ARHGEF10: variants seen among roughly 807,000 people sequenced by gnomAD.
ARHGEF10 encodes Rho guanine nucleotide exchange factor 10, also known as Rho guanine nucleotide exchange factor (GEF) 10.
In ARHGEF10, 140 loss-of-function variants were observed where a neutral mutation model predicts 147.4. That is an observed-to-expected ratio of 0.95 (90% confidence interval 0.83 to 1.09). The LOEUF is 1.09. Among genes scored for constraint, ARHGEF10 ranks in the 50% least tolerant of loss-of-function variants. ARHGEF10 has a pLI of 0.00. For synonymous variants in ARHGEF10, 902 were observed against 695.8 expected (o/e 1.30, Z -4.67); for missense variants, 2,222 against 1,752.7 (o/e 1.27, Z -4.78).
intron 18 of ARHGEF10, among the ~76,000 whole-genome samples, chr8:1,919,223 G>T (rs1812012857): frequency 6.7e-6 from 1 of 149,160 alleles, no homozygotes; most frequent in South Asian, 2.1e-4. Context: ...TGCTCCGTGG[G>T]TGATGGAGCT....
intron 2 of ARHGEF10, among the ~76,000 whole-genome samples, chr8:1,851,529 G>A (rs1805150661): frequency 6.6e-6 from 1 of 152,112 alleles, no homozygotes; most frequent in Admixed American, 6.5e-5. Context: ...GGCTCTCTTT[G>A]GGGGTGGGGA....
intron 2 of ARHGEF10, among the ~76,000 whole-genome samples, chr8:1,848,107 A>G (rs1225322501): frequency 6.6e-6 from 1 of 152,234 alleles, no homozygotes; most frequent in Admixed American, 6.5e-5. Flanking sequence ...AGCTTGTAGA[A>G]TAAATATTTC....
In ARHGEF10 at chr8:1,875,278, C is replaced by G. The variant is rs530951302; in HGVS notation, c.680-1293C>G. ...CGTGTAGGGGGTGGAGGTTCTAAGA[C>G]AGGCTGGAGGAACAGTGGAGACACA... On this transcript the variant is annotated intron_variant, in intron 7 of 28. Coordinates refer to ENST00000349830, the MANE Select transcript of ARHGEF10 (RefSeq NM_014629.4). 9.5e-4 allele frequency among the ~76,000 whole-genome samples: 145 copies of G among 151,906 alleles called. 1 individual carries two copies. Among genetic ancestry groups the G allele is most frequent in the African/African-American group, 3.5e-3 (144 of 41,370 alleles).
intron 1 of ARHGEF10, among the ~76,000 whole-genome samples, chr8:1,840,974 C>A (rs1295313936): frequency 6.6e-6 from 1 of 152,220 alleles, no homozygotes; most frequent in Non-Finnish European, 1.5e-5. Context: ...GATGTGGATC[C>A]TGTGACTCCC....
intron 27 of ARHGEF10, among the ~76,000 whole-genome samples, chr8:1,951,375 C>T (rs1041547332): frequency 6.6e-6 from 1 of 152,226 alleles, no homozygotes; most frequent in African/African-American, 2.4e-5. Flanking sequence ...TCACTATCGC[C>T]CTGACCAAGT....
intron 11 of ARHGEF10, among the ~76,000 whole-genome samples, chr8:1,888,158 G>C (rs1467855666): frequency 1.1e-5 from 1 of 93,774 alleles, no homozygotes; most frequent in African/African-American, 4.7e-5. Context: ...GTGGGGCGAG[G>C]GTTGCGAGGA....
At chr8:1,848,161 T>C (rs1398175505) in intron 2 of ARHGEF10, among the ~76,000 whole-genome samples, 1 of 152,262 alleles carries the variant, frequency 6.6e-6, no homozygotes, top group Non-Finnish European at 1.5e-5. Flanking sequence ...CGTCTTCTTT[T>C]GCATCGTGCA....
intron 4 of ARHGEF10, among the ~76,000 whole-genome samples, chr8:1,862,898 C>T (rs983271094): frequency 2.0e-5 from 3 of 151,532 alleles, no homozygotes; most frequent in African/African-American, 7.3e-5. Context: ...CCTGCCTCAG[C>T]CTCCCAAGTA....
intron 26 of ARHGEF10, among the ~76,000 whole-genome samples, chr8:1,940,068 T>C (rs994977684): frequency 6.6e-6 from 1 of 152,204 alleles, no homozygotes; most frequent in African/African-American, 2.4e-5. Flanking sequence ...TGCGCTGGGT[T>C]AAAAACTCCA....
chr8:1,916,341 A>G (rs1230351405), intron 18 of ARHGEF10, among the ~76,000 whole-genome samples: 2 of 152,222 alleles, frequency 1.3e-5, no homozygotes, highest in Non-Finnish European at 2.9e-5. Context: ...AATTAATATT[A>G]TGTTCTGGGT....
At position 1,882,713 on chromosome 8, in the gene ARHGEF10, C is replaced by G. The variant is rs937444404; in HGVS notation, c.1039C>G (p.Arg347Gly). ...ERTRAAVKRGRSFIRTKSLIA... is the reference protein window; with the variant it reads ...ERTRAAVKRGGSFIRTKSLIA... Reference sequence around the variant, plus strand: ...GACCAGGGCAGCCGTGAAGAGGGGCCGCTCCTTCATCAGGACCAAGTCTCT... The same window carrying G: ...GACCAGGGCAGCCGTGAAGAGGGGCGGCTCCTTCATCAGGACCAAGTCTCT... Residue 347 changes from arginine (R) to glycine (G), a missense_variant, in exon 10 of 29, where the codon CGC becomes GGC. Physicochemically the swap from Arg to Gly is moderately radical, Grantham distance 125. Transcript: ENST00000349830. 1 of 1,555,710 alleles carries G rather than the reference C, an allele frequency of 6.4e-7. No individual in the cohort carries two copies. The highest frequency in any genetic ancestry group is 8.7e-7 in the Non-Finnish European group (1 of 1,148,988).
At chr8:1,830,659 T>C (rs1803042278) in intron 1 of ARHGEF10, among the ~76,000 whole-genome samples, 1 of 152,232 alleles carries the variant, frequency 6.6e-6, no homozygotes, top group African/African-American at 2.4e-5. Context: ...GCAGAGACCA[T>C]GTGCTTGCCC....
rs1383272802 is a variant in ARHGEF10 at position 1,938,326 on chromosome 8, TCTTG to T, written c.3222+4388_3222+4391del. On this transcript the variant is annotated intron_variant, in intron 26 of 28. Coordinates refer to ENST00000349830, the MANE Select transcript of ARHGEF10 (RefSeq NM_014629.4). ...CTGGGGGGCGTTGCCTGGACAGGTT[TCTTG>T]CTTAGAGCCTTGAGTCACAGCTAGT... Among the ~76,000 whole-genome samples, 3 of 152,206 alleles carry T rather than the reference TCTTG, an allele frequency of 2.0e-5. No individual in the cohort carries two copies. In the East Asian group the frequency reaches 5.8e-4, roughly 29 times the overall value.
intron 2 of ARHGEF10, among the ~76,000 whole-genome samples, chr8:1,853,326 A>C (rs1272882683): frequency 1.3e-5 from 2 of 152,192 alleles, no homozygotes; most frequent in African/African-American, 4.8e-5. Context: ...TGGGCTCCAC[A>C]GGGACCAACG....
intron 7 of ARHGEF10, chr8:1,876,309 T>A: frequency 6.2e-5 from 33 of 536,374 alleles, no homozygotes; most frequent in Admixed American, 1.3e-4. Flanking sequence ...AGCCAGGTGG[T>A]CCTCGGGGTA....
chr8:1,876,527 G>T (rs752118076), intron 7 of ARHGEF10, 44 bp from the exon 8 acceptor site: 89 of 1,590,410 alleles, frequency 5.6e-5, no homozygotes, highest in Non-Finnish European at 7.4e-5. Context: ...CAGCCCACAT[G>T]GAATTCTAAA....
intron 24 of ARHGEF10, among the ~76,000 whole-genome samples, chr8:1,929,022 G>A (rs112251294): frequency 0.047 from 7,183 of 152,268 alleles, 236 homozygotes; most frequent in Middle Eastern, 0.092. Context: ...ATTTAAAGGA[G>A]AGTTAAAATG....
At chr8:1,887,942 G>C (rs1715962835) in intron 11 of ARHGEF10, among the ~76,000 whole-genome samples, 1 of 150,286 alleles carries the variant, frequency 6.7e-6, no homozygotes, top group African/African-American at 2.5e-5. Context: ...ACAGTGATTG[G>C]GGTGAGGGGT....
At chr8:1,846,642 A>T (rs555024172) in intron 2 of ARHGEF10, among the ~76,000 whole-genome samples, 4 of 151,642 alleles carry the variant, frequency 2.6e-5, no homozygotes, top group Non-Finnish European at 2.9e-5. Flanking sequence ...AAGTGGTGTG[A>T]TCTTGGCTCA....
Sources: gnomAD v4.1 joint callset for allele counts (sites outside exome capture counted in the v4.1 genomes callset) on GRCh38, gnomAD v4.1.1 for gene constraint, MANE v1.5 for transcripts, NCBI Gene and HGNC (gene_info 2026-07-23, HGNC 2026-07-21) for gene names.